The following TDRD10 variants were observed in gnomAD, a reference collection of about 807,000 sequenced individuals.
TDRD10 encodes the protein tudor domain containing 10.
Under a neutral mutation model 48.0 loss-of-function variants are expected in TDRD10, and 40 were observed. The observed-to-expected ratio is 0.83, with a 90% CI of 0.65 to 1.09. The LOEUF (loss-of-function observed/expected upper bound fraction) is 1.09, where lower values mean the gene tolerates loss of function less well. TDRD10 is among the 50% of genes least tolerant of loss of function. The pLI is 0.00. For missense variants in TDRD10, 378 were observed against 434.7 expected (o/e 0.87, Z 1.16); for synonymous variants, 162 against 170.4 (o/e 0.95, Z 0.38).
At chr1:154,537,667 G>T (rs1570969596) in intron 6 of TDRD10, among the ~76,000 whole-genome samples, 1 of 152,206 alleles carries the variant, frequency 6.6e-6, no homozygotes, top group East Asian at 1.9e-4. Flanking sequence ...ACCCTGCTGA[G>T]TGTATGCAAG....
chr1:154,547,810 T>C lies in TDRD10; in HGVS notation c.*100T>C. ...CCTTTCACTCTTGAGGCCTGGGAGG[T>C]GAAAAAGGCCAGACTGTGCCCAGGA... On this transcript the variant is annotated 3_prime_UTR_variant, in exon 13 of 13. Coordinates refer to ENST00000368482, the MANE Select transcript of TDRD10 (RefSeq NM_182499.4). The C allele has an allele frequency of 6.9e-7, 1 of 1,448,304 alleles. No individual in the cohort carries two copies. The highest frequency in any genetic ancestry group is 2.3e-5 in the East Asian group (1 of 44,122). 89.7% of individuals were successfully genotyped at this position (1,448,304 alleles called of 1,614,324 possible).
chr1:154,511,885 C>T (rs557465463), intron 4 of TDRD10, among the ~76,000 whole-genome samples: 1 of 152,020 alleles, frequency 6.6e-6, no homozygotes, highest in African/African-American at 2.4e-5. Flanking sequence ...AAAAATTAGC[C>T]AGGCGTGGTG....
At position 154,507,280 on chromosome 1, in the gene TDRD10, G is replaced by C. The variant is rs757151932; in HGVS notation, c.42G>C (p.Leu14=). 1 of 1,614,016 alleles carries C rather than the reference G, an allele frequency of 6.2e-7. No homozygotes were observed. The highest frequency in any genetic ancestry group is 1.7e-5 in the Admixed American group (1 of 59,992). The change falls in exon 3 of 13, where the codon CTG becomes CTC. Residue 14 remains leucine, a synonymous_variant. Coordinates refer to ENST00000368482, the MANE Select transcript of TDRD10 (RefSeq NM_182499.4). The part of the protein sequence containing the change: ...NISHPQLSDK[L]FGKNGVLEEQ... ...GTCACCCCCAACTCTCTGATAAACT[G>C]TTTGGGAAGAATGGAGTGTTGGAGG...
Position 154,521,397 on chromosome 1 carries a change from A to G in TDRD10, c.287A>G (p.His96Arg), listed in dbSNP as rs566634350. Reference protein sequence around the residue: ...AIQELNGKLFHKRKLFVNTSK... With the variant: ...AIQELNGKLFRKRKLFVNTSK... ...CAGGAGCTGAATGGTAAACTCTTCCACAAGCGAAAACTGTTCGTGAATACA... is the reference window on the plus strand; with the variant it reads ...CAGGAGCTGAATGGTAAACTCTTCCGCAAGCGAAAACTGTTCGTGAATACA... The change falls in exon 6 of 13, where the codon CAC becomes CGC. Residue 96 changes from histidine (H) to arginine (R), a missense_variant. By Grantham distance (29) the His-to-Arg change is conservative. This residue lies in a region of TDRD10 where 310 missense variants were observed against 323.6 expected (regional missense o/e 0.96). Coordinates refer to ENST00000368482, the MANE Select transcript of TDRD10 (RefSeq NM_182499.4). The G allele has an allele frequency of 1.2e-5, 20 of 1,614,168 alleles. No individual in the cohort carries two copies. The East Asian group carries it at 4.5e-4, about 36-fold the overall frequency.
At chr1:154,539,123 C>T (rs1042346711) in intron 6 of TDRD10, among the ~76,000 whole-genome samples, 2 of 152,134 alleles carry the variant, frequency 1.3e-5, no homozygotes, top group East Asian at 1.9e-4. Flanking sequence ...CTCTTGAATC[C>T]GCACTTGTAA....
In TDRD10 at chr1:154,525,895, C is replaced by CA. The variant is rs59844127; in HGVS notation, c.369+4440dup. On this transcript the variant is annotated intron_variant, in intron 6 of 12. Transcript: ENST00000368482. ...TGGGCAACAGAGCAAGATTCCGTCT[C>CA]AAAAAAAAAAAAAAAAAAAAAAAAG... 4.7e-3 allele frequency among the ~76,000 whole-genome samples: 248 copies of CA among 52,812 alleles called. 2 individuals are homozygous for CA. Among genetic ancestry groups the CA allele is most frequent in the African/African-American group, 7.7e-3 (106 of 13,702 alleles). The allele number at this position is 52,812 out of a possible 152,430, so 34.6% of individuals were successfully genotyped here.
intron 6 of TDRD10, among the ~76,000 whole-genome samples, chr1:154,540,507 CAAAAAAAAAAAAA>C (rs57375022): frequency 9.2e-6 from 1 of 109,146 alleles, no homozygotes; most frequent in Non-Finnish European, 1.7e-5. Context: ...CCCATCTCTA[CAAAAAAAAAAAAA>C]AAAAAAAAAA....
chr1:154,502,969 G>C lies in TDRD10; in HGVS notation c.-88G>C, dbSNP rs952551404. 1 of 152,310 alleles carries C rather than the reference G, an allele frequency of 6.6e-6. No individual in the cohort carries two copies. Among genetic ancestry groups the C allele is most frequent in the Non-Finnish European group, 1.5e-5 (1 of 68,110 alleles). The allele number at this position is 152,310 out of a possible 1,614,324, so 9.4% of individuals were successfully genotyped here. On this transcript the variant is annotated 5_prime_UTR_variant, in exon 1 of 13. Transcript: ENST00000368482. ...GCTCAGAGGGGGCGGAGCGCGGAGGGAGAAGGCGCGAAGGCTGGGCGTCGC... is the reference window on the plus strand; with the variant it reads ...GCTCAGAGGGGGCGGAGCGCGGAGGCAGAAGGCGCGAAGGCTGGGCGTCGC...
intron 6 of TDRD10, among the ~76,000 whole-genome samples, chr1:154,538,629 G>T (rs549143577): frequency 6.6e-6 from 1 of 150,684 alleles, no homozygotes; most frequent in African/African-American, 2.4e-5. Flanking sequence ...TGAGGCGGGC[G>T]GATCATGAGG....
chr1:154,517,713 C>T (rs760312719), intron 4 of TDRD10, among the ~76,000 whole-genome samples: 35 of 152,158 alleles, frequency 2.3e-4, no homozygotes, highest in Non-Finnish European at 3.5e-4. Context: ...TGAGCCACCG[C>T]GCCCGGCTTG....
At chr1:154,503,852 CAT>C (rs562073709) in intron 1 of TDRD10, among the ~76,000 whole-genome samples, 156 of 152,264 alleles carry the variant, frequency 1.0e-3, no homozygotes, top group African/African-American at 3.4e-3. Flanking sequence ...TGCGTAGTGA[CAT>C]TTTTTTAAAG....
At chr1:154,522,930 T>C (rs1483450627) in intron 6 of TDRD10, among the ~76,000 whole-genome samples, 1 of 152,218 alleles carries the variant, frequency 6.6e-6, no homozygotes, top group Non-Finnish European at 1.5e-5. Context: ...TATCTTTTTT[T>C]TTTGAGACAG....
At chr1:154,514,687 G>A (rs1693657008) in intron 4 of TDRD10, among the ~76,000 whole-genome samples, 1 of 151,818 alleles carries the variant, frequency 6.6e-6, no homozygotes, top group Non-Finnish European at 1.5e-5. Flanking sequence ...TTGTTTTTTT[G>A]TTTGTTTGTT....
chr1:154,514,714 G>A (rs1376925340), intron 4 of TDRD10, among the ~76,000 whole-genome samples: 1 of 151,926 alleles, frequency 6.6e-6, no homozygotes, highest in Non-Finnish European at 1.5e-5. Flanking sequence ...TTGAGACAGG[G>A]TCTTGCTCTG....
chr1:154,543,672 A>G (rs907097335), intron 8 of TDRD10, among the ~76,000 whole-genome samples: 10 of 151,748 alleles, frequency 6.6e-5, no homozygotes, highest in Non-Finnish European at 2.9e-5. Context: ...ACTTTTATCC[A>G]CCTCTCTCGG....
At chr1:154,522,660 A>G (rs1694116931) in intron 6 of TDRD10, among the ~76,000 whole-genome samples, 1 of 149,888 alleles carries the variant, frequency 6.7e-6, no homozygotes. Context: ...AAAAAAAAAG[A>G]TTGTCAGAGG....
At chr1:154,532,075 G>A (rs1694659139) in intron 6 of TDRD10, among the ~76,000 whole-genome samples, 1 of 152,214 alleles carries the variant, frequency 6.6e-6, no homozygotes, top group Admixed American at 6.5e-5. Flanking sequence ...CTGCCAGGCG[G>A]GTGCTGTGCG....
intron 1 of TDRD10, among the ~76,000 whole-genome samples, chr1:154,505,309 G>A (rs889406826): frequency 6.6e-6 from 1 of 152,190 alleles, no homozygotes; most frequent in Admixed American, 6.5e-5. Context: ...CATCTTGCAC[G>A]GATTTATGCT....
At chr1:154,547,322 T>G in intron 11 of TDRD10, 87 bp from the exon 12 acceptor site, 3 of 1,440,290 alleles carry the variant, frequency 2.1e-6, no homozygotes, top group Non-Finnish European at 2.9e-6. Context: ...GCACTTTCCC[T>G]GCAGCCCCCG....
Sources: allele counts gnomAD v4.1 joint callset (sites outside exome capture counted in the v4.1 genomes callset), GRCh38; gene constraint gnomAD v4.1.1; regional missense constraint gnomAD v4.1.1; transcripts MANE v1.5; gene names NCBI Gene and HGNC (gene_info 2026-07-23, HGNC 2026-07-21).